Variants in PALS2 observed in about 807,000 individuals in gnomAD.
The protein encoded by PALS2 is protein PALS2.
In PALS2, 27 loss-of-function variants were observed where a neutral mutation model predicts 61.6. That is an observed-to-expected ratio of 0.44 (90% CI 0.32 to 0.60). The LOEUF is 0.60. Among genes scored for constraint, PALS2 ranks in the 20% least tolerant of loss-of-function variants. The pLI is 0.05. For synonymous variants in PALS2, 236 were observed against 218.6 expected, an observed-to-expected ratio of 1.08 and a Z score of -0.70; for missense variants, 554 against 639.4, an observed-to-expected ratio of 0.87 and a Z score of 1.44.
At chr7:24,621,023 A>G (rs1006681837) in intron 1 of PALS2, among the ~76,000 whole-genome samples, 1 of 152,204 alleles carries the variant, frequency 6.6e-6, no homozygotes, top group African/African-American at 2.4e-5. Context: ...AAGTACTGCT[A>G]ACCACATTTA....
intron 3 of PALS2, among the ~76,000 whole-genome samples, chr7:24,645,468 T>C (rs1785785146): frequency 6.6e-6 from 1 of 152,188 alleles, no homozygotes; most frequent in African/African-American, 2.4e-5. Flanking sequence ...TCTGTTCCAC[T>C]GGTCTATGTG....
chr7:24,627,996 G>C (rs1399672958), intron 2 of PALS2, among the ~76,000 whole-genome samples: 1 of 152,116 alleles, frequency 6.6e-6, no homozygotes, highest in African/African-American at 2.4e-5. Flanking sequence ...GAAAAAGAGA[G>C]ACTCCTCCCT....
chr7:24,612,560 C>T (rs1234257606), intron 1 of PALS2, among the ~76,000 whole-genome samples: 1 of 151,828 alleles, frequency 6.6e-6, no homozygotes, highest in Non-Finnish European at 1.5e-5. Context: ...CAGAACACGG[C>T]TTCTCCATTT....
chr7:24,668,795 A>C, intron 9 of PALS2, 135 bp downstream of exon 9: 1 of 1,078,094 alleles, frequency 9.3e-7, no homozygotes, highest in Non-Finnish European at 1.3e-6. Flanking sequence ...GTGAACAAGT[A>C]AAAGACATTG....
chr7:24,629,479 T>C (rs1324430072), intron 2 of PALS2, among the ~76,000 whole-genome samples: 3 of 152,084 alleles, frequency 2.0e-5, no homozygotes, highest in Non-Finnish European at 4.4e-5. Flanking sequence ...AAAGCCAAAA[T>C]TGACAAATGG....
rs747265476 is a variant in PALS2, at chr7:24,668,659, A to G, written c.1113A>G (p.Pro371=). The stretch of plus-strand genomic sequence containing the variant: ...CCACTAGATTTGGAACTACGGTGCC[A>G]TGTAAGTTTTCTGTGTTTTCCTTGC... The part of the protein sequence containing the change: ...LNPTRFGTTV[P]FTSRKPREDE... The change falls in exon 9 of 12, where the codon CCA becomes CCG. Residue 371 remains proline, a splice_region_variant and synonymous_variant. Transcript: ENST00000222644. The G allele has an allele frequency of 1.4e-5, 22 of 1,613,552 alleles. No homozygotes were observed. In the South Asian group the frequency reaches 1.8e-4, roughly 13 times the overall value.
rs1168308389 is a variant in PALS2 at position 24,691,112 on chromosome 7, G to A, written c.*3498G>A. 6.6e-6 allele frequency: 1 copy of A among 152,004 alleles called. No individual in the cohort carries two copies. The highest frequency in any genetic ancestry group is 2.4e-5 in the African/African-American group (1 of 41,408). The allele number at this position is 152,004 out of a possible 1,614,324, so 9.4% of individuals were successfully genotyped here. A position where few individuals can be genotyped will look rare whatever the true frequency, so the allele number is the denominator to read the frequency against. On this transcript the variant is annotated 3_prime_UTR_variant, in exon 12 of 12. Transcript: ENST00000222644. Reference sequence around the variant, plus strand: ...AAGTGTCATGATCCCAGTGACTGGAGTTGATTTTCAAGGTGGATAGCCATA... The same window carrying A: ...AAGTGTCATGATCCCAGTGACTGGAATTGATTTTCAAGGTGGATAGCCATA...
At chr7:24,656,860 T>C (rs79725790) in intron 5 of PALS2, among the ~76,000 whole-genome samples, 10,517 of 152,250 alleles carry the variant, frequency 0.069, 447 homozygotes, top group African/African-American at 0.11. Context: ...CACTTCTCAT[T>C]CTTCCCTCCT....
At chr7:24,657,336 T>C (rs964011142) in intron 5 of PALS2, among the ~76,000 whole-genome samples, 1 of 152,238 alleles carries the variant, frequency 6.6e-6, no homozygotes, top group Non-Finnish European at 1.5e-5. Context: ...ACCAACATTA[T>C]ATGAAAGTTC....
intron 1 of PALS2, among the ~76,000 whole-genome samples, chr7:24,607,595 G>A (rs867881212): frequency 3.8e-5 from 5 of 131,494 alleles, no homozygotes; most frequent in Admixed American, 1.4e-4. Flanking sequence ...ATACATATAT[G>A]TGTGTGTATA....
At chr7:24,665,332 G>GT (rs1215898232) in intron 6 of PALS2, among the ~76,000 whole-genome samples, 1 of 152,100 alleles carries the variant, frequency 6.6e-6, no homozygotes, top group Non-Finnish European at 1.5e-5. Flanking sequence ...TAAATAAGAA[G>GT]TTTTAGCAAT....
chr7:24,680,382 T>C lies in PALS2; in HGVS notation c.1318-10T>C, dbSNP rs1787854988. 6.2e-7 allele frequency: 1 copy of C among 1,609,106 alleles called. No homozygotes were observed. Among genetic ancestry groups the C allele is most frequent in the South Asian group, 1.1e-5 (1 of 90,864 alleles). Reference sequence around the variant, plus strand: ...TGTATAAATTGGCTTATAATTATTCTTTTACACAGGCACTGAAAGTATTGA... The same window carrying C: ...TGTATAAATTGGCTTATAATTATTCCTTTACACAGGCACTGAAAGTATTGA... On this transcript the variant is annotated splice_polypyrimidine_tract_variant and intron_variant, in intron 10 of 11. Transcript: ENST00000222644.
At chr7:24,576,060 T>G (rs569215238) in intron 1 of PALS2, among the ~76,000 whole-genome samples, 1 of 152,346 alleles carries the variant, frequency 6.6e-6, no homozygotes, top group South Asian at 2.1e-4. Flanking sequence ...ACTTACCCAT[T>G]TGATAAATAC....
chr7:24,625,575 C>A (rs1320161051), intron 2 of PALS2, among the ~76,000 whole-genome samples: 1 of 152,156 alleles, frequency 6.6e-6, no homozygotes, highest in African/African-American at 2.4e-5. Context: ...TCTACCTACT[C>A]CAACACCGGG....
At chr7:24,582,909 T>TTG (rs1554298203) in intron 1 of PALS2, among the ~76,000 whole-genome samples, 3 of 145,438 alleles carry the variant, frequency 2.1e-5, no homozygotes, top group East Asian at 2.0e-4. Context: ...TTTTTTTTTT[T>TTG]GAGACAGAGT....
At chr7:24,583,932 A>G (rs1782952507) in intron 1 of PALS2, among the ~76,000 whole-genome samples, 1 of 150,942 alleles carries the variant, frequency 6.6e-6, no homozygotes, top group Non-Finnish European at 1.5e-5. Context: ...TGTTCTCACG[A>G]TAGTTTACTG....
intron 11 of PALS2, among the ~76,000 whole-genome samples, chr7:24,686,757 G>A (rs1381618274): frequency 6.6e-6 from 1 of 152,152 alleles, no homozygotes; most frequent in Non-Finnish European, 1.5e-5. Flanking sequence ...ATAAATATTT[G>A]TAGAATATGT....
intron 11 of PALS2, among the ~76,000 whole-genome samples, chr7:24,684,209 C>G (rs1424573268): frequency 6.6e-6 from 1 of 152,098 alleles, no homozygotes; most frequent in Non-Finnish European, 1.5e-5. Flanking sequence ...AAGCGATTCT[C>G]CTGCCTCAGC....
chr7:24,626,178 A>G (rs1163113543), intron 2 of PALS2, among the ~76,000 whole-genome samples: 1 of 152,198 alleles, frequency 6.6e-6, no homozygotes, highest in East Asian at 1.9e-4. Context: ...AATCAAATGA[A>G]CATTTTAGGA....
Sources: gnomAD v4.1 joint callset for allele counts (sites outside exome capture counted in the v4.1 genomes callset) on GRCh38, gnomAD v4.1.1 for gene constraint, MANE v1.5 for transcripts, NCBI Gene and HGNC (gene_info 2026-07-23, HGNC 2026-07-21) for gene names.